The following MTUS2 variants were observed in gnomAD, a reference collection of about 807,000 sequenced individuals.
MTUS2 encodes microtubule associated scaffold protein 2.
A neutral mutation model predicts 114.1 loss-of-function variants in MTUS2; 40 were observed. The observed-to-expected ratio is 0.35, with a 90% CI of 0.27 to 0.46. MTUS2 has a LOEUF of 0.46. Ranked by LOEUF, MTUS2 falls within the 20% of genes least tolerant of loss-of-function variation. MTUS2 has a pLI of 1.00. For synonymous variants in MTUS2, 688 were observed against 672.0 expected (o/e 1.02, Z -0.37); for missense variants, 1,679 against 1,705.4 (o/e 0.98, Z 0.27).
At chr13:29,099,180 A>G (rs1251087716) in intron 4 of MTUS2, among the ~76,000 whole-genome samples, 1 of 152,234 alleles carries the variant, frequency 6.6e-6, no homozygotes, top group Non-Finnish European at 1.5e-5. Context: ...TGCTGATACA[A>G]ACGGGCCATT....
chr13:29,024,758 T>C lies in MTUS2; in HGVS notation c.60T>C (p.Asn20=), dbSNP rs761195398. Residue 20 remains asparagine (N), a synonymous_variant, in exon 3 of 16, where the codon AAT becomes AAC. Transcript: ENST00000612955. ...SCYTQLRDNR[N]AARNNNESIL... ...ACACTCAGTTGCGGGACAACAGAAA[T>C]GCAGCAAGAAATAATAATGAAAGCA... The C allele has an allele frequency of 9.9e-6, 16 of 1,613,944 alleles. 1 individual carries two copies. In the South Asian group the frequency reaches 1.8e-4, roughly 18 times the overall value.
At chr13:29,467,450 C>T (rs1412910494) in intron 9 of MTUS2, among the ~76,000 whole-genome samples, 3 of 152,222 alleles carry the variant, frequency 2.0e-5, no homozygotes, top group Non-Finnish European at 4.4e-5. Context: ...CTGCCCGGGC[C>T]TTCTGGATGG....
rs1419867769 is a variant in MTUS2, at chr13:29,355,927, A to G, written c.2906-3335A>G. 7.9e-5 allele frequency among the ~76,000 whole-genome samples: 12 copies of G among 152,172 alleles called. No homozygotes were observed. The East Asian group carries it at 1.9e-3, about 24-fold the overall frequency. On this transcript the variant is annotated intron_variant, in intron 7 of 15. Coordinates refer to ENST00000612955, the MANE Select transcript of MTUS2 (RefSeq NM_001033602.4). ...GATAAGCCCTGTGTTGAAGGCCTCT[A>G]TTCACTAATATCCATTTCCTAGTTC...
At chr13:29,351,797 T>G (rs1426902999) in intron 7 of MTUS2, among the ~76,000 whole-genome samples, 1 of 111,102 alleles carries the variant, frequency 9.0e-6, no homozygotes, top group South Asian at 2.7e-4. Context: ...TTTTTTTTTG[T>G]AGAGATGATG....
intron 2 of MTUS2, among the ~76,000 whole-genome samples, chr13:28,921,824 C>G (rs1018909692): frequency 6.6e-5 from 10 of 152,130 alleles, no homozygotes; most frequent in African/African-American, 2.4e-4. Context: ...GCACTGAGAT[C>G]AAAGTAAAGT....
intron 5 of MTUS2, among the ~76,000 whole-genome samples, chr13:29,245,242 C>G (rs2139410293): frequency 6.6e-6 from 1 of 152,154 alleles, no homozygotes; most frequent in South Asian, 2.1e-4. Flanking sequence ...GTAGATAATT[C>G]ATGGTTTTTG....
At chr13:29,132,331 T>C (rs1223432806) in intron 5 of MTUS2, among the ~76,000 whole-genome samples, 1 of 152,220 alleles carries the variant, frequency 6.6e-6, no homozygotes, top group Non-Finnish European at 1.5e-5. Flanking sequence ...CTAATTAAGC[T>C]TTCTATAGCT....
chr13:28,984,172 A>ATT (rs1884476958), intron 2 of MTUS2, among the ~76,000 whole-genome samples: 1 of 152,184 alleles, frequency 6.6e-6, no homozygotes, highest in South Asian at 2.1e-4. Flanking sequence ...ACTTTGCTGA[A>ATT]TTCTGCATCG....
rs1883049765 is a variant in MTUS2, at chr13:29,503,515, T to G, written c.*309T>G. On this transcript the variant is annotated 3_prime_UTR_variant, in exon 16 of 16. Coordinates refer to ENST00000612955, the MANE Select transcript of MTUS2 (RefSeq NM_001033602.4). Reference sequence around the variant, plus strand: ...CAGGTTAGTTACAAAAAGCTCAGTTTTCAATATACATTGAATAATCATTGT... The same window carrying G: ...CAGGTTAGTTACAAAAAGCTCAGTTGTCAATATACATTGAATAATCATTGT... 7.8e-6 allele frequency: 4 copies of G among 514,816 alleles called. No individual in the cohort carries two copies. The highest frequency in any genetic ancestry group is 5.3e-4 in the Middle Eastern group (1 of 1,888). The allele number at this position is 514,816 out of a possible 1,614,324, so 31.9% of individuals were successfully genotyped here.
At chr13:28,836,483 A>G (rs1238819462) in intron 1 of MTUS2, among the ~76,000 whole-genome samples, 1 of 152,236 alleles carries the variant, frequency 6.6e-6, no homozygotes, top group East Asian at 1.9e-4. Context: ...TCAAAAAATC[A>G]TAGTCTGTTT....
intron 5 of MTUS2, among the ~76,000 whole-genome samples, chr13:29,151,792 A>G (rs575538937): frequency 6.6e-5 from 10 of 152,182 alleles, no homozygotes; most frequent in African/African-American, 1.9e-4. Context: ...TGAGATGATC[A>G]TATGGTTTTT....
chr13:29,126,012 A>G (rs750187701), intron 5 of MTUS2, among the ~76,000 whole-genome samples: 1 of 152,246 alleles, frequency 6.6e-6, no homozygotes, highest in African/African-American at 2.4e-5. Context: ...AGAACTGTAT[A>G]TTCTACTCAG....
chr13:29,439,878 T>G, intron 8 of MTUS2, 105 bp from the exon 9 acceptor site: 1 of 916,558 alleles, frequency 1.1e-6, no homozygotes. Context: ...CCTTAAGGAC[T>G]AGACTTATAA....
intron 5 of MTUS2, among the ~76,000 whole-genome samples, chr13:29,189,661 T>G (rs1894368073): frequency 6.6e-6 from 1 of 152,210 alleles, no homozygotes; most frequent in Admixed American, 6.5e-5. Flanking sequence ...TTGTTTTACT[T>G]TATTTACTTA....
At chr13:28,826,346 A>C (rs182268948) in intron 1 of MTUS2, among the ~76,000 whole-genome samples, 86 of 152,342 alleles carry the variant, frequency 5.6e-4, no homozygotes, top group Non-Finnish European at 5.9e-5. Context: ...ATCAGACTAG[A>C]TAGAAGACGA....
intron 9 of MTUS2, among the ~76,000 whole-genome samples, chr13:29,458,125 T>C (rs59698584): frequency 0.065 from 9,862 of 152,192 alleles, 358 homozygotes; most frequent in African/African-American, 0.087. Context: ...TTTTCTATAG[T>C]GCTATGTGTC....
chr13:29,075,418 T>A (rs1213476283), intron 4 of MTUS2, among the ~76,000 whole-genome samples: 5 of 152,214 alleles, frequency 3.3e-5, no homozygotes, highest in Admixed American at 3.3e-4. Flanking sequence ...CTAAGAGTGT[T>A]CTTAGCCTGT....
At chr13:29,155,127 G>A (rs1245570992) in intron 5 of MTUS2, among the ~76,000 whole-genome samples, 1 of 152,222 alleles carries the variant, frequency 6.6e-6, no homozygotes, top group Non-Finnish European at 1.5e-5. Context: ...TAGGAAGGTT[G>A]ATAAAGGTAA....
At chr13:28,923,912 C>T (rs1881184321) in intron 2 of MTUS2, among the ~76,000 whole-genome samples, 1 of 152,054 alleles carries the variant, frequency 6.6e-6, no homozygotes, top group Non-Finnish European at 1.5e-5. Flanking sequence ...GTAGAATTCC[C>T]CTTGTTAGAG....
Sources: gnomAD v4.1 joint callset for allele counts (sites outside exome capture counted in the v4.1 genomes callset) on GRCh38, gnomAD v4.1.1 for gene constraint, MANE v1.5 for transcripts, NCBI Gene and HGNC (gene_info 2026-07-23, HGNC 2026-07-21) for gene names.